SLC38A12: variants seen among roughly 807,000 people sequenced by gnomAD.
SLC38A12 encodes the protein putative sodium-coupled neutral amino acid transporter 12.
At chr17:74,807,621 G>C in the SLC38A12 span, among the ~76,000 whole-genome samples, 1 of 152,238 alleles carries the variant, frequency 6.6e-6, no homozygotes, top group Non-Finnish European at 1.5e-5. Flanking sequence ...GCAAGTGCCA[G>C]AGCACTTCTG....
At chr17:74,836,036 C>T in the SLC38A12 span, 15 of 1,612,670 alleles carry the variant, frequency 9.3e-6, no homozygotes, top group African/African-American at 1.5e-4. The surrounding 1 kb of genome is among the most constrained non-coding windows in gnomAD (Gnocchi z 4.2). Flanking sequence ...TTGGGGTGTG[C>T]GTCTACTCCT....
At chr17:74,787,921 G>A in the SLC38A12 span, among the ~76,000 whole-genome samples, 1 of 151,722 alleles carries the variant, frequency 6.6e-6, no homozygotes, top group Non-Finnish European at 1.5e-5. Flanking sequence ...AGCCTCCCAA[G>A]TAGCTGGGAT....
chr17:74,815,887 G>A, the SLC38A12 span, among the ~76,000 whole-genome samples: 1 of 152,182 alleles, frequency 6.6e-6, no homozygotes, highest in African/African-American at 2.4e-5. Context: ...CAGATGCCAG[G>A]CTGCTCAAAC....
At chr17:74,798,836 G>C in the SLC38A12 span, among the ~76,000 whole-genome samples, 1 of 151,342 alleles carries the variant, frequency 6.6e-6, no homozygotes, top group African/African-American at 2.4e-5. Flanking sequence ...CTCCAGGCTA[G>C]GGAACATCTC....
the SLC38A12 span, among the ~76,000 whole-genome samples, chr17:74,787,624 G>A: frequency 3.3e-5 from 3 of 90,866 alleles, no homozygotes; most frequent in Admixed American, 2.9e-4. Flanking sequence ...GCGAGACTCC[G>A]TCTCAAAAAA....
the SLC38A12 span, among the ~76,000 whole-genome samples, chr17:74,830,579 A>G: frequency 2.0e-5 from 3 of 152,358 alleles, no homozygotes; most frequent in East Asian, 1.9e-4. Flanking sequence ...CCTGACCGCC[A>G]CGCTTGAGGT....
At chr17:74,794,810 C>G in the SLC38A12 span, among the ~76,000 whole-genome samples, 1 of 152,158 alleles carries the variant, frequency 6.6e-6, no homozygotes, top group African/African-American at 2.4e-5. Flanking sequence ...GCCGATCTGT[C>G]TCTTGTCAGC....
At chr17:74,799,750 C>T in the SLC38A12 span, among the ~76,000 whole-genome samples, 1 of 152,366 alleles carries the variant, frequency 6.6e-6, no homozygotes, top group South Asian at 2.1e-4. Context: ...CTCCCTCTCA[C>T]ATGGCAACAC....
At chr17:74,804,006 C>T in the SLC38A12 span, among the ~76,000 whole-genome samples, 1 of 152,148 alleles carries the variant, frequency 6.6e-6, no homozygotes, top group Non-Finnish European at 1.5e-5. Flanking sequence ...ATGGAATGTT[C>T]TTCAATATTT....
chr17:74,794,938 AAAG>A, the SLC38A12 span: 1 of 1,143,406 alleles, frequency 8.7e-7, no homozygotes, highest in Non-Finnish European at 1.2e-6. Context: ...ATTTAGTCAA[AAAG>A]AAGAAGAAAA....
chr17:74,838,495 A>C, the SLC38A12 span: 1 of 1,016,202 alleles, frequency 9.8e-7, no homozygotes, highest in Non-Finnish European at 1.2e-6. Context: ...TTGGACGCAA[A>C]TTCATTAGCT....
At chr17:74,806,497 C>T in the SLC38A12 span, among the ~76,000 whole-genome samples, 1 of 152,314 alleles carries the variant, frequency 6.6e-6, no homozygotes, top group South Asian at 2.1e-4. Flanking sequence ...TAAGCCACGC[C>T]TGTAGTGCCC....
the SLC38A12 span, chr17:74,795,470 A>C: frequency 6.5e-7 from 1 of 1,534,200 alleles, no homozygotes. Flanking sequence ...TGTCTCCCCC[A>C]GCCCAGCCAG....
the SLC38A12 span, among the ~76,000 whole-genome samples, chr17:74,826,869 T>C: frequency 1.3e-5 from 2 of 151,900 alleles, no homozygotes; most frequent in Non-Finnish European, 2.9e-5. Flanking sequence ...CTGGCGGTGG[T>C]GGGGGTAGGC....
the SLC38A12 span, among the ~76,000 whole-genome samples, chr17:74,797,003 T>C: frequency 6.6e-6 from 1 of 152,164 alleles, no homozygotes; most frequent in African/African-American, 2.4e-5. Context: ...TTTGAGCGGC[T>C]CGCACAGACA....
At chr17:74,792,140 C>A in the SLC38A12 span, among the ~76,000 whole-genome samples, 3 of 138,410 alleles carry the variant, frequency 2.2e-5, no homozygotes, top group Admixed American at 7.5e-5. Context: ...AGCGAGACTC[C>A]GTCTCAAAAA....
chr17:74,836,621 G>T, the SLC38A12 span: 1 of 1,612,916 alleles, frequency 6.2e-7, no homozygotes, highest in Non-Finnish European at 8.5e-7. The surrounding 1 kb of genome is among the most constrained non-coding windows in gnomAD (Gnocchi z 4.2). Context: ...GCTTCGTGCT[G>T]CTCTGGGCTT....
chr17:74,783,405 G>A, the SLC38A12 span, among the ~76,000 whole-genome samples: 3 of 152,206 alleles, frequency 2.0e-5, no homozygotes, highest in African/African-American at 4.8e-5. Context: ...ATTCAAAGGC[G>A]GGAGGCAGGA....
At chr17:74,795,110 T>C in the SLC38A12 span, 2 of 1,613,774 alleles carry the variant, frequency 1.2e-6, no homozygotes, top group African/African-American at 2.7e-5. Context: ...GCAGGTGACC[T>C]GGTGAGTACC....
Sources: allele counts gnomAD v4.1 joint callset (sites outside exome capture counted in the v4.1 genomes callset), GRCh38; gene constraint gnomAD v4.1.1; non-coding constraint Gnocchi (gnomAD v3.1); transcripts MANE v1.5; gene names NCBI Gene and HGNC (gene_info 2026-07-23, HGNC 2026-07-21).